The following PKP2 variants were observed in gnomAD, a reference collection of about 807,000 sequenced individuals.
PKP2 encodes plakophilin 2, also known as plakophilin-2.
A neutral mutation model predicts 83.4 loss-of-function variants in PKP2; 73 were observed. The ratio of observed to expected loss-of-function variants is 0.88; its 90% CI spans 0.72 to 1.06. PKP2 has a LOEUF of 1.06. Ranked by LOEUF, PKP2 falls within the 50% of genes least tolerant of loss-of-function variation. The pLI is 0.00. For missense variants in PKP2, 966 were observed against 1,065.4 expected (o/e 0.91, Z 1.30); for synonymous variants, 409 against 430.4 (o/e 0.95, Z 0.62).
chr12:32,870,642 CTGAGGCCT>C (rs1233955799), intron 3 of PKP2, among the ~76,000 whole-genome samples: 1 of 152,172 alleles, frequency 6.6e-6, no homozygotes, highest in Non-Finnish European at 1.5e-5. Context: ...CATTCATGGA[CTGAGGCCT>C]TTACAGAGAA....
chr12:32,838,430 C>T (rs182637723), intron 6 of PKP2, among the ~76,000 whole-genome samples: 15 of 151,702 alleles, frequency 9.9e-5, no homozygotes, highest in East Asian at 1.9e-4. Flanking sequence ...CTCGGCATCA[C>T]GCAATGTACC....
At chr12:32,835,453 A>G (rs1956536835) in intron 6 of PKP2, among the ~76,000 whole-genome samples, 1 of 152,182 alleles carries the variant, frequency 6.6e-6, no homozygotes, top group African/African-American at 2.4e-5. Flanking sequence ...TATTTTAACT[A>G]AGTTATACTT....
chr12:32,858,080 AAAAAATATATATAT>A (rs1330187349), intron 4 of PKP2, among the ~76,000 whole-genome samples: 9 of 54,396 alleles, frequency 1.7e-4, no homozygotes, highest in Non-Finnish European at 2.9e-4. Flanking sequence ...AAAAAAAAAA[AAAAAATATATATAT>A]ATATATATAT....
chr12:32,867,056 G>A (rs1402804224), intron 4 of PKP2, among the ~76,000 whole-genome samples: 3 of 152,210 alleles, frequency 2.0e-5, no homozygotes, highest in African/African-American at 4.8e-5. Flanking sequence ...GGCTGAGCAT[G>A]GTGGCTCACG....
chr12:32,812,831 A>G (rs1592733823), intron 9 of PKP2, among the ~76,000 whole-genome samples: 2 of 152,162 alleles, frequency 1.3e-5, no homozygotes, highest in Non-Finnish European at 2.9e-5. Flanking sequence ...GGGAAAACTC[A>G]TCACTATTTC....
intron 7 of PKP2, 54 bp from the exon 8 acceptor site, chr12:32,822,685 T>C (rs1956393803): frequency 1.3e-6 from 2 of 1,577,054 alleles, no homozygotes; most frequent in African/African-American, 1.3e-5. Context: ...TCCTTGCAGG[T>C]GTGATATCAC....
At chr12:32,887,455 C>T (rs1480494950) in intron 1 of PKP2, among the ~76,000 whole-genome samples, 1 of 152,160 alleles carries the variant, frequency 6.6e-6, no homozygotes, top group African/African-American at 2.4e-5. Context: ...AAATGTCCCC[C>T]TCCCACTTTT....
chr12:32,864,634 C>G (rs1435931554), intron 4 of PKP2, among the ~76,000 whole-genome samples: 4 of 152,114 alleles, frequency 2.6e-5, no homozygotes, highest in Admixed American at 2.0e-4. Context: ...AGTGCAATCT[C>G]TAACAAAATC....
At chr12:32,870,922 T>G (rs1353672747) in intron 3 of PKP2, among the ~76,000 whole-genome samples, 1 of 152,184 alleles carries the variant, frequency 6.6e-6, no homozygotes, top group Non-Finnish European at 1.5e-5. Context: ...AGAAGCTCTG[T>G]GTTCACACTT....
chr12:32,889,093 G>C (rs1957055981), intron 1 of PKP2, among the ~76,000 whole-genome samples: 1 of 152,162 alleles, frequency 6.6e-6, no homozygotes, highest in African/African-American at 2.4e-5. Flanking sequence ...TCAGAGGAGA[G>C]GGGTGAAGGA....
chr12:32,795,757 TC>T (rs1394037530), intron 11 of PKP2, among the ~76,000 whole-genome samples: 1 of 152,194 alleles, frequency 6.6e-6, no homozygotes. Context: ...ACTTGCCTAT[TC>T]AGAGGACTCC....
chr12:32,857,247 G>C (rs1355627503), intron 4 of PKP2, among the ~76,000 whole-genome samples: 1 of 152,088 alleles, frequency 6.6e-6, no homozygotes, highest in African/African-American at 2.4e-5. Context: ...AATGCAGGGA[G>C]ATCCCATCTG....
At chr12:32,844,524 T>C (rs979494221) in intron 5 of PKP2, among the ~76,000 whole-genome samples, 1 of 152,178 alleles carries the variant, frequency 6.6e-6, no homozygotes, top group Non-Finnish European at 1.5e-5. Flanking sequence ...CAACTAGATA[T>C]CATTTTCCAT....
At chr12:32,797,829 T>C (rs1296042123) in intron 10 of PKP2, among the ~76,000 whole-genome samples, 1 of 151,854 alleles carries the variant, frequency 6.6e-6, no homozygotes, top group Non-Finnish European at 1.5e-5. Flanking sequence ...GTGCTGGGAT[T>C]AGAAGCGTGA....
chr12:32,809,018 C>T (rs569503952), intron 9 of PKP2, among the ~76,000 whole-genome samples: 35 of 152,154 alleles, frequency 2.3e-4, no homozygotes, highest in Non-Finnish European at 4.6e-4. Context: ...AATTAGGGAC[C>T]CGCTTAAAGA....
In PKP2 at chr12:32,864,309, TACACACAC is replaced by T. The variant is rs35886681; in HGVS notation, c.1170+4610_1170+4617del. On this transcript the variant is annotated intron_variant, in intron 4 of 12. Transcript: ENST00000340811. ...GAGGTTCTAGCAAGTACTATACACA[TACACACAC>T]ACACACACACACACACACACATACA... Among the ~76,000 whole-genome samples the T allele has an allele frequency of 8.9e-3, 1,302 of 145,844 alleles. 29 individuals are homozygous for T. The highest frequency in any genetic ancestry group is 0.03 in the African/African-American group (1,187 of 40,092).
At chr12:32,886,165 A>T (rs1462073900) in intron 1 of PKP2, among the ~76,000 whole-genome samples, 1 of 152,196 alleles carries the variant, frequency 6.6e-6, no homozygotes, top group East Asian at 1.9e-4. Context: ...GTGTGGATTC[A>T]CGATGGTCTT....
intron 4 of PKP2, among the ~76,000 whole-genome samples, chr12:32,855,728 A>G (rs964923376): frequency 7.0e-6 from 1 of 142,630 alleles, no homozygotes; most frequent in African/African-American, 2.6e-5. Context: ...GTGAGCCGAG[A>G]TCAAGCCTCT....
rs1238645380 is a variant in PKP2 at position 32,796,286 on chromosome 12, A to G, written c.2180T>C (p.Leu727Pro). The change falls in exon 11 of 13, where the codon CTC becomes CCC. Residue 727 changes from leucine to proline, a missense_variant. Transcript: ENST00000340811. ...AGGAATGATGGAAACCAAATCAGGG[A>G]GAGTTTCTTTGGCTACAAAATGAAA... The part of the protein sequence containing the change: ...SLQNEIAKET[L>P]PDLVSIIPDT... 1 of 1,608,238 alleles carries G rather than the reference A, an allele frequency of 6.2e-7. No individual in the cohort carries two copies. Among genetic ancestry groups the G allele is most frequent in the East Asian group, 2.2e-5 (1 of 44,622 alleles).
Sources: gnomAD v4.1 joint callset for allele counts (sites outside exome capture counted in the v4.1 genomes callset) on GRCh38, gnomAD v4.1.1 for gene constraint, MANE v1.5 for transcripts, NCBI Gene and HGNC (gene_info 2026-07-23, HGNC 2026-07-21) for gene names.